MTR: variants seen among roughly 807,000 people sequenced by gnomAD.
The protein encoded by MTR is methionine synthase.
MTR carries 84 observed loss-of-function variants against 154.8 expected under a neutral mutation model. The observed-to-expected ratio is 0.54, with a 90% CI of 0.45 to 0.65. The LOEUF (loss-of-function observed/expected upper bound fraction) is 0.65. MTR is among the 30% of genes least tolerant of loss of function. The probability of loss-of-function intolerance (pLI) is 0.00; values close to 1 mark genes in which losing one functional copy is unlikely to be tolerated. For missense variants in MTR, 1,275 were observed against 1,570.2 expected, an observed-to-expected ratio of 0.81 and a Z score of 3.18; for synonymous variants, 554 against 553.9, an observed-to-expected ratio of 1.00 and a Z score of 0.00.
At chr1:236,814,482 C>G (rs1041260560) in intron 6 of MTR, among the ~76,000 whole-genome samples, 1 of 152,150 alleles carries the variant, frequency 6.6e-6, no homozygotes, top group Non-Finnish European at 1.5e-5. Context: ...ATGTCCCTCA[C>G]GGTGCATCTT....
At chr1:236,852,457 A>C in intron 16 of MTR, 64 bp from the exon 17 acceptor site, 16 of 1,154,322 alleles carry the variant, frequency 1.4e-5, no homozygotes, top group Non-Finnish European at 2.0e-5. Context: ...ATAAAGCTTA[A>C]GAGATGTGAT....
At chr1:236,831,889 GA>G in intron 12 of MTR, 76 bp from the exon 13 acceptor site, 1 of 1,038,358 alleles carries the variant, frequency 9.6e-7, no homozygotes, top group Non-Finnish European at 1.5e-6. Flanking sequence ...CTTTCTTATT[GA>G]ATACATTTGT....
At chr1:236,806,122 A>G (rs776820025) in intron 2 of MTR, 22 bp from the exon 3 acceptor site, 1 of 1,593,342 alleles carries the variant, frequency 6.3e-7, no homozygotes, top group South Asian at 1.1e-5. Context: ...CTCATAATTG[A>G]CATTATAATC....
intron 15 of MTR, among the ~76,000 whole-genome samples, chr1:236,842,949 G>A (rs944298633): frequency 6.6e-6 from 1 of 151,670 alleles, no homozygotes; most frequent in Non-Finnish European, 1.5e-5. Flanking sequence ...AGCCAGATGT[G>A]GTAATGTATG....
chr1:236,880,943 AGGTC>A, intron 25 of MTR, 107 bp downstream of exon 25: 1 of 1,141,244 alleles, frequency 8.8e-7, no homozygotes, highest in Non-Finnish European at 1.3e-6. Flanking sequence ...TACTAAATAA[AGGTC>A]AAAGAGCAGC....
At chr1:236,807,555 T>G (rs1452181627) in intron 3 of MTR, among the ~76,000 whole-genome samples, 4 of 152,238 alleles carry the variant, frequency 2.6e-5, no homozygotes, top group African/African-American at 9.6e-5. Flanking sequence ...ATTTTCTATT[T>G]TTTTAAATAG....
chr1:236,797,439 T>G (rs1310444557), intron 1 of MTR, among the ~76,000 whole-genome samples: 1 of 152,130 alleles, frequency 6.6e-6, no homozygotes, highest in Non-Finnish European at 1.5e-5. Context: ...TTCTAAAAGT[T>G]TCTTGGTTTC....
Position 236,901,311 on chromosome 1 carries a change from G to C in MTR, c.*3667G>C, listed in dbSNP as rs929453343. 7 of 152,350 alleles carry C rather than the reference G, an allele frequency of 4.6e-5. No individual in the cohort carries two copies. Among genetic ancestry groups the C allele is most frequent in the African/African-American group, 1.5e-4 (6 of 41,338 alleles). The allele number at this position is 152,350 out of a possible 1,614,324, so 9.4% of individuals were successfully genotyped here. A position where few individuals can be genotyped will look rare whatever the true frequency, so the allele number is the denominator to read the frequency against. Reference sequence around the variant, plus strand: ...CTAGGTTGAAGACAATGGGAGGTGTGGAAGACTTGTTGACTCATTTAAAGA... The same window carrying C: ...CTAGGTTGAAGACAATGGGAGGTGTCGAAGACTTGTTGACTCATTTAAAGA... On this transcript the variant is annotated 3_prime_UTR_variant, in exon 33 of 33. Transcript: ENST00000366577.
Position 236,880,851 on chromosome 1 carries a change from T to G in MTR, c.2676+15T>G. 1 of 1,606,024 alleles carries G rather than the reference T, an allele frequency of 6.2e-7. No homozygotes were observed. The highest frequency in any genetic ancestry group is 8.5e-7 in the Non-Finnish European group (1 of 1,172,636). ...GTGTGGTGGTGGTAAGTGGGTGACC[T>G]TACATTTTATTCCAGATGTGTTGGA... On this transcript the variant is annotated intron_variant, in intron 25 of 32. Coordinates refer to ENST00000366577, the MANE Select transcript of MTR (RefSeq NM_000254.3).
chr1:236,853,307 T>C (rs1664026734), intron 18 of MTR, among the ~76,000 whole-genome samples: 1 of 152,174 alleles, frequency 6.6e-6, no homozygotes, highest in African/African-American at 2.4e-5. Context: ...TGAACTTAGG[T>C]TTCTTTAAAT....
chr1:236,892,519 C>T (rs12066434), intron 29 of MTR, among the ~76,000 whole-genome samples: 5 of 151,972 alleles, frequency 3.3e-5, no homozygotes, highest in Non-Finnish European at 2.9e-5. Context: ...GCATTTTAAT[C>T]CCAACCACAA....
chr1:236,856,403 A>AGTTCTCC (rs1664204191), intron 18 of MTR, among the ~76,000 whole-genome samples: 1 of 151,596 alleles, frequency 6.6e-6, no homozygotes, highest in Non-Finnish European at 1.5e-5. Flanking sequence ...TATTCCAGTT[A>AGTTCTCC]CCACTTTGGC....
chr1:236,818,520 T>A (rs140530292), intron 8 of MTR, among the ~76,000 whole-genome samples: 17 of 152,362 alleles, frequency 1.1e-4, no homozygotes, highest in Non-Finnish European at 2.2e-4. Context: ...TTCTGACTTT[T>A]GATCCACTCA....
At chr1:236,862,405 T>C (rs1664596495) in intron 21 of MTR, 62 bp downstream of exon 21, 6 of 1,356,240 alleles carry the variant, frequency 4.4e-6, no homozygotes, top group Non-Finnish European at 6.3e-6. Context: ...CTTGAGGTGG[T>C]GGTAGGGGCC....
intron 2 of MTR, 68 bp downstream of exon 2, chr1:236,803,710 C>A: frequency 6.8e-7 from 1 of 1,476,158 alleles, no homozygotes; most frequent in Non-Finnish European, 9.4e-7. Context: ...TGTATCAGGG[C>A]AGGCTGCTAT....
At position 236,897,047 on chromosome 1, in the gene MTR, GCAGTCT is replaced by G. The variant is rs1379799649; in HGVS notation, c.3644_3649del (p.Val1215_Ser1216del). ...ATCATTAGCAATGGCACCTGCTTCA[GCAGTCT>G]CAGGCCTCTACTTCTCCAATTTGAA... On this transcript the variant is annotated inframe_deletion, in exon 32 of 33. Coordinates refer to ENST00000366577, the MANE Select transcript of MTR (RefSeq NM_000254.3). 1 of 1,614,120 alleles carries G rather than the reference GCAGTCT, an allele frequency of 6.2e-7. No homozygotes were observed. The highest frequency in any genetic ancestry group is 1.7e-5 in the Admixed American group (1 of 60,024).
intron 23 of MTR, among the ~76,000 whole-genome samples, chr1:236,874,275 CTTAGAA>C (rs1665305181): frequency 1.3e-5 from 2 of 152,102 alleles, no homozygotes; most frequent in Non-Finnish European, 2.9e-5. Flanking sequence ...GAAAAGATGT[CTTAGAA>C]TTAGAAACTG....
chr1:236,865,116 G>A (rs1250529704), intron 22 of MTR, among the ~76,000 whole-genome samples: 1 of 152,228 alleles, frequency 6.6e-6, no homozygotes, highest in Non-Finnish European at 1.5e-5. Context: ...TCTCCAGGGT[G>A]CTACTGGAAC....
chr1:236,864,636 T>A (rs1213517566), intron 22 of MTR, among the ~76,000 whole-genome samples: 1 of 152,234 alleles, frequency 6.6e-6, no homozygotes, highest in Non-Finnish European at 1.5e-5. Flanking sequence ...AGATAGATAG[T>A]TGTAATGAAA....
Sources: gnomAD v4.1 joint callset for allele counts (sites outside exome capture counted in the v4.1 genomes callset) on GRCh38, gnomAD v4.1.1 for gene constraint, MANE v1.5 for transcripts, NCBI Gene and HGNC (gene_info 2026-07-23, HGNC 2026-07-21) for gene names.